CHST9: variants seen among roughly 807,000 people sequenced by gnomAD.
CHST9 encodes the protein GalNAc-4-sulfotransferase 2.
CHST9 carries 41 observed loss-of-function variants against 44.4 expected under a neutral mutation model. That is an observed-to-expected ratio of 0.92 (90% CI 0.72 to 1.20). The LOEUF (loss-of-function observed/expected upper bound fraction) is 1.20, where lower values mean the gene tolerates loss of function less well. CHST9 is among the 50% of genes most tolerant of loss of function. The probability of loss-of-function intolerance (pLI) is 0.00; values close to 1 mark genes in which losing one functional copy is unlikely to be tolerated. For missense variants in CHST9, 504 were observed against 516.5 expected (o/e 0.98, Z 0.23); for synonymous variants, 171 against 178.4 (o/e 0.96, Z 0.33).
chr18:27,060,167 C>T (rs894520652), intron 2 of CHST9, among the ~76,000 whole-genome samples: 5 of 152,106 alleles, frequency 3.3e-5, no homozygotes, highest in Admixed American at 2.6e-4. Context: ...ATGTCTGCAA[C>T]GCTATTGTAA....
Position 27,111,758 on chromosome 18 carries a change from C to T in CHST9, c.121+30931G>A, listed in dbSNP as rs118069058. Among the ~76,000 whole-genome samples the T allele has an allele frequency of 7.1e-3, 1,084 of 152,224 alleles. 8 individuals are homozygous for T. Among genetic ancestry groups the T allele is most frequent in the Non-Finnish European group, 0.011 (737 of 68,010 alleles). On this transcript the variant is annotated intron_variant, in intron 2 of 5. Coordinates refer to ENST00000618847, the MANE Select transcript of CHST9 (RefSeq NM_031422.6). ...ACAGATTAGCACTTGTATTGGCAGACGACACATCACCCTCCCCAAGGTGAG... is the reference window on the plus strand; with the variant it reads ...ACAGATTAGCACTTGTATTGGCAGATGACACATCACCCTCCCCAAGGTGAG...
At chr18:26,956,328 T>A (rs374446740) in intron 4 of CHST9, among the ~76,000 whole-genome samples, 4,062 of 131,732 alleles carry the variant, frequency 0.031, 71 homozygotes, top group South Asian at 0.044. Context: ...AAAAAAAAAA[T>A]ATATATATAT....
chr18:27,000,899 C>T (rs1020122935), intron 4 of CHST9, among the ~76,000 whole-genome samples: 1 of 152,158 alleles, frequency 6.6e-6, no homozygotes, highest in Non-Finnish European at 1.5e-5. Context: ...ATTCACCCCC[C>T]CATCTCTGAA....
intron 4 of CHST9, among the ~76,000 whole-genome samples, chr18:26,981,679 G>A (rs183959959): frequency 6.6e-6 from 1 of 152,310 alleles, no homozygotes; most frequent in East Asian, 1.9e-4. Flanking sequence ...TGTGTACAGT[G>A]CTTTGTAGTT....
chr18:27,001,899 A>G (rs1044905421), intron 4 of CHST9, among the ~76,000 whole-genome samples: 4 of 152,192 alleles, frequency 2.6e-5, no homozygotes, highest in African/African-American at 9.7e-5. Flanking sequence ...AGATGGGGGA[A>G]AGGCAGAGGG....
At chr18:27,043,802 C>T (rs552459366) in intron 3 of CHST9, among the ~76,000 whole-genome samples, 4 of 152,158 alleles carry the variant, frequency 2.6e-5, no homozygotes, top group East Asian at 1.9e-4. Flanking sequence ...GCTTTCAGCA[C>T]TTACTGCATG....
At chr18:27,049,142 C>A (rs1185204994) in intron 2 of CHST9, among the ~76,000 whole-genome samples, 3 of 151,992 alleles carry the variant, frequency 2.0e-5, no homozygotes, top group African/African-American at 7.3e-5. Context: ...GAGGACTATC[C>A]TAGAGGTTAG....
chr18:26,954,625 CT>C (rs775349817), intron 4 of CHST9, among the ~76,000 whole-genome samples: 17 of 152,246 alleles, frequency 1.1e-4, no homozygotes, highest in Admixed American at 3.3e-4. Context: ...GTTATCTTCT[CT>C]CTCCAATTTT....
At chr18:27,100,918 T>C (rs1330927034) in intron 2 of CHST9, among the ~76,000 whole-genome samples, 1 of 152,234 alleles carries the variant, frequency 6.6e-6, no homozygotes, top group African/African-American at 2.4e-5. Context: ...CATTTCCTAT[T>C]GGTTGGGACA....
intron 2 of CHST9, among the ~76,000 whole-genome samples, chr18:27,129,917 G>A (rs1488467366): frequency 2.0e-5 from 3 of 151,890 alleles, no homozygotes; most frequent in Non-Finnish European, 4.4e-5. Context: ...GAAAAGCTAT[G>A]TTCAAACCAG....
rs572741697 is a variant in CHST9 at position 26,907,832 on chromosome 18, G to GA, written c.*8426dup. 437 of 172,242 alleles carry GA rather than the reference G, an allele frequency of 2.5e-3. No individual in the cohort carries two copies. Among genetic ancestry groups the GA allele is most frequent in the South Asian group, 6.4e-3 (37 of 5,816 alleles). 10.7% of individuals were successfully genotyped at this position (172,242 alleles called of 1,614,324 possible). The stretch of plus-strand genomic sequence containing the variant: ...ATGGAATACAATTCAGCCTTGAAAA[G>GA]AAAAAAATTCTGGTACGTCCTTCAA... On this transcript the variant is annotated 3_prime_UTR_variant, in exon 6 of 6. Transcript: ENST00000618847.
At chr18:27,048,146 G>T (rs1482505499) in intron 3 of CHST9, among the ~76,000 whole-genome samples, 1 of 152,122 alleles carries the variant, frequency 6.6e-6, no homozygotes, top group East Asian at 1.9e-4. Context: ...TAAACTGGTT[G>T]TCAACTATCA....
At chr18:27,165,771 G>C (rs1454495696) in intron 1 of CHST9, among the ~76,000 whole-genome samples, 1 of 152,162 alleles carries the variant, frequency 6.6e-6, no homozygotes, top group Non-Finnish European at 1.5e-5. Flanking sequence ...TTAAATAAAT[G>C]ATAACCTAAG....
At chr18:26,971,189 TAAGA>T in intron 4 of CHST9, among the ~76,000 whole-genome samples, 1 of 152,284 alleles carries the variant, frequency 6.6e-6, no homozygotes, top group Non-Finnish European at 1.5e-5. Context: ...TCTGGGGCCC[TAAGA>T]AAGACCTAAC....
chr18:27,053,271 A>AAGAAGG (rs1568151256), intron 2 of CHST9, among the ~76,000 whole-genome samples: 4 of 121,598 alleles, frequency 3.3e-5, no homozygotes, highest in South Asian at 3.2e-4. Context: ...GGAGAAGGAG[A>AAGAAGG]AGGAGAAGGA....
At chr18:26,973,771 A>G (rs2056583255) in intron 4 of CHST9, among the ~76,000 whole-genome samples, 1 of 152,056 alleles carries the variant, frequency 6.6e-6, no homozygotes, top group Admixed American at 6.5e-5. Flanking sequence ...TTATATTCTA[A>G]TGACCTGGTT....
intron 2 of CHST9, among the ~76,000 whole-genome samples, chr18:27,134,308 A>G (rs2058496296): frequency 1.3e-5 from 2 of 152,218 alleles, no homozygotes; most frequent in African/African-American, 2.4e-5. Flanking sequence ...AAGTCTCCTT[A>G]GAAACACCAG....
intron 5 of CHST9, among the ~76,000 whole-genome samples, chr18:26,920,216 T>C (rs2055622749): frequency 1.3e-5 from 2 of 152,184 alleles, no homozygotes; most frequent in Admixed American, 1.3e-4. Context: ...ATTCCCACCA[T>C]CTTTCTGACC....
Position 26,944,300 on chromosome 18 carries a change from A to G in CHST9, c.240+29T>C, listed in dbSNP as rs372748660. 7.2e-5 allele frequency: 113 copies of G among 1,559,278 alleles called. No individual in the cohort carries two copies. The African/African-American group carries it at 1.3e-3, about 18-fold the overall frequency. On this transcript the variant is annotated intron_variant, in intron 5 of 5. Transcript: ENST00000618847. The stretch of plus-strand genomic sequence containing the variant: ...TATTAACATTGAAACAAAATTCTAT[A>G]TTAGAGTTTACGAGAAATGAGAGAA...
Sources: allele counts gnomAD v4.1 joint callset (sites outside exome capture counted in the v4.1 genomes callset), GRCh38; gene constraint gnomAD v4.1.1; transcripts MANE v1.5; gene names NCBI Gene and HGNC (gene_info 2026-07-23, HGNC 2026-07-21).